IL1RAPL2: variants seen among roughly 807,000 people sequenced by gnomAD.
The protein encoded by IL1RAPL2 is X-linked interleukin-1 receptor accessory protein-like 2.
IL1RAPL2 carries 3 observed loss-of-function variants against 44.1 expected under a neutral mutation model. The ratio of observed to expected loss-of-function variants is 0.07; its 90% CI spans 0.03 to 0.18. IL1RAPL2 has a LOEUF of 0.18. Ranked by LOEUF, IL1RAPL2 falls within the 10% of genes least tolerant of loss-of-function variation. IL1RAPL2 has a pLI of 1.00. For synonymous variants in IL1RAPL2, 181 were observed against 178.8 expected (o/e 1.01, Z -0.10); for missense variants, 391 against 496.4 (o/e 0.79, Z 2.02).
intron 5 of IL1RAPL2, among the ~76,000 whole-genome samples, chrX:105,431,921 T>C (rs2035850357): frequency 9.1e-6 from 1 of 109,943 alleles, no homozygotes; most frequent in Non-Finnish European, 1.9e-5. Flanking sequence ...GAAAGTGGGG[T>C]TGAGAAATCT....
At chrX:104,898,749 G>GC (rs1923727678) in intron 2 of IL1RAPL2, among the ~76,000 whole-genome samples, 1 of 112,204 alleles carries the variant, frequency 8.9e-6, no homozygotes. Context: ...TAATCTCTGA[G>GC]CTGAACATTT....
intron 6 of IL1RAPL2, among the ~76,000 whole-genome samples, chrX:105,494,410 A>G (rs1337927954): frequency 8.9e-6 from 1 of 112,186 alleles, no homozygotes; most frequent in East Asian, 2.8e-4. Flanking sequence ...ATGTAAATAA[A>G]GGCAGATTTT....
rs1399785364 is a variant in IL1RAPL2, at chrX:104,585,281, TATATA to T, written c.-20+18236_-20+18240del. ...TATATATATAATATATTATATATAT[TATATA>T]ATATATTATATATTATATATTATAT... On this transcript the variant is annotated intron_variant, in intron 1 of 10. Transcript: ENST00000372582. Among the ~76,000 whole-genome samples the T allele has an allele frequency of 2.0e-3, 38 of 18,618 alleles. 1 individual carries two copies. Among genetic ancestry groups the T allele is most frequent in the Admixed American group, 7.2e-3 (6 of 832 alleles). The allele number at this position is 18,618 out of a possible 115,157, so 16.2% of individuals were successfully genotyped here.
chrX:104,674,310 G>T (rs1198808134), intron 2 of IL1RAPL2, among the ~76,000 whole-genome samples: 1 of 111,610 alleles, frequency 9.0e-6, no homozygotes, highest in African/African-American at 3.3e-5. Flanking sequence ...TAGCATGAAG[G>T]GTTGTTGAAT....
At chrX:104,587,080 G>C (rs1361999366) in intron 1 of IL1RAPL2, among the ~76,000 whole-genome samples, 1 of 111,115 alleles carries the variant, frequency 9.0e-6, no homozygotes, top group Non-Finnish European at 1.9e-5. Flanking sequence ...AAATTTCTAG[G>C]ACAGGGGTAC....
chrX:104,618,135 TG>T (rs1404986695), intron 1 of IL1RAPL2, among the ~76,000 whole-genome samples: 3 of 111,917 alleles, frequency 2.7e-5, no homozygotes, highest in Non-Finnish European at 5.6e-5. Context: ...TATGCACTTT[TG>T]GGGGGCAGGT....
Position 105,031,498 on chromosome X carries a change from T to A in IL1RAPL2, c.83-163977T>A, listed in dbSNP as rs1170203804. Reference sequence around the variant, plus strand: ...AAGGCCTTTTCTGCATCTATTGAGATAATCATGTGGTTTTTGTCTTTGGTT... The same window carrying A: ...AAGGCCTTTTCTGCATCTATTGAGAAAATCATGTGGTTTTTGTCTTTGGTT... On this transcript the variant is annotated intron_variant, in intron 2 of 10. Transcript: ENST00000372582. Among the ~76,000 whole-genome samples the A allele has an allele frequency of 6.2e-5, 7 of 112,055 alleles. No homozygotes were observed. In the East Asian group the frequency reaches 2.0e-3, roughly 31 times the overall value.
intron 5 of IL1RAPL2, among the ~76,000 whole-genome samples, chrX:105,336,189 T>A (rs1251620757): frequency 1.8e-5 from 2 of 112,280 alleles, no homozygotes; most frequent in African/African-American, 3.2e-5. Flanking sequence ...ATGATTGTCA[T>A]CCAGTCAGGA....
At chrX:105,279,133 C>T (rs774178504) in intron 5 of IL1RAPL2, among the ~76,000 whole-genome samples, 6 of 110,483 alleles carry the variant, frequency 5.4e-5, no homozygotes, top group African/African-American at 9.9e-5. Flanking sequence ...AGATCTGCTG[C>T]TCCCTATACA....
intron 2 of IL1RAPL2, among the ~76,000 whole-genome samples, chrX:105,049,406 T>A (rs2031888069): frequency 1.8e-5 from 2 of 111,755 alleles, no homozygotes; most frequent in Non-Finnish European, 3.8e-5. Flanking sequence ...GATTTTCTTT[T>A]TCTTGTGGGT....
At chrX:105,538,681 C>G (rs1000317670) in intron 6 of IL1RAPL2, among the ~76,000 whole-genome samples, 1 of 111,478 alleles carries the variant, frequency 9.0e-6, no homozygotes, top group Non-Finnish European at 1.9e-5. Context: ...GATGGGAAGT[C>G]CTAGCCAGAG....
chrX:104,781,280 T>C (rs1346263841), intron 2 of IL1RAPL2, among the ~76,000 whole-genome samples: 1 of 111,100 alleles, frequency 9.0e-6, no homozygotes, highest in Admixed American at 9.7e-5. Flanking sequence ...GATGAGGAAA[T>C]TGGGGTTCAC....
chrX:104,958,249 T>C (rs2029938290), intron 2 of IL1RAPL2, among the ~76,000 whole-genome samples: 1 of 110,265 alleles, frequency 9.1e-6, no homozygotes, highest in African/African-American at 3.3e-5. Context: ...CTAATTTTAC[T>C]AGGTTATATG....
chrX:105,227,184 C>T (rs1556190134), intron 3 of IL1RAPL2, among the ~76,000 whole-genome samples: 2 of 109,961 alleles, frequency 1.8e-5, no homozygotes, highest in African/African-American at 6.6e-5. Flanking sequence ...AACTAACCTG[C>T]ACATTGTGCA....
At chrX:104,580,645 C>T (rs763170448) in intron 1 of IL1RAPL2, among the ~76,000 whole-genome samples, 30 of 111,468 alleles carry the variant, frequency 2.7e-4, no homozygotes, top group Non-Finnish European at 4.1e-4. Context: ...ATAGTAAAGT[C>T]GATGATAGGA....
At chrX:105,746,237 G>C (rs1405136991) in intron 8 of IL1RAPL2, among the ~76,000 whole-genome samples, 2 of 111,751 alleles carry the variant, frequency 1.8e-5, no homozygotes, top group Non-Finnish European at 3.8e-5. Flanking sequence ...AAACTAAGAA[G>C]GTAAAAAGAG....
chrX:105,683,473 G>C (rs184317824), intron 6 of IL1RAPL2, among the ~76,000 whole-genome samples: 153 of 110,360 alleles, frequency 1.4e-3, no homozygotes, highest in Non-Finnish European at 2.2e-3. Context: ...TGCTATCTTT[G>C]AATTCATCAA....
At chrX:104,621,353 C>A (rs750870484) in intron 1 of IL1RAPL2, among the ~76,000 whole-genome samples, 1 of 108,771 alleles carries the variant, frequency 9.2e-6, no homozygotes, top group African/African-American at 3.4e-5. Context: ...TTCTGCTCTC[C>A]CCCATTGCAA....
At chrX:104,615,538 T>G (rs1929254046) in intron 1 of IL1RAPL2, among the ~76,000 whole-genome samples, 1 of 111,176 alleles carries the variant, frequency 9.0e-6, no homozygotes, top group Non-Finnish European at 1.9e-5. Context: ...TCCATCCATG[T>G]CCCTGCAGAG....
Sources: gnomAD v4.1 joint callset for allele counts (sites outside exome capture counted in the v4.1 genomes callset) on GRCh38, gnomAD v4.1.1 for gene constraint, MANE v1.5 for transcripts, NCBI Gene and HGNC (gene_info 2026-07-23, HGNC 2026-07-21) for gene names.